Variants in SHOC2 observed in about 807,000 individuals in gnomAD.
The protein encoded by SHOC2 is SHOC2 leucine rich repeat scaffold protein.
SHOC2 carries 4 observed loss-of-function variants against 50.2 expected under a neutral mutation model. That is an observed-to-expected ratio of 0.08 (90% CI 0.04 to 0.18). SHOC2 has a LOEUF of 0.18. SHOC2 is among the 10% of genes least tolerant of loss of function. The pLI, the probability that SHOC2 is intolerant of heterozygous loss-of-function variation, is 1.00. For synonymous variants in SHOC2, 218 were observed against 244.5 expected (o/e 0.89, Z 1.01); for missense variants, 388 against 669.6 (o/e 0.58, Z 4.64).
intron 2 of SHOC2, among the ~76,000 whole-genome samples, chr10:110,976,095 G>A (rs914411627): frequency 6.6e-6 from 1 of 152,012 alleles, no homozygotes; most frequent in African/African-American, 2.4e-5. Context: ...ATTTTTAGTA[G>A]AGACGGGGTT....
intron 3 of SHOC2, 102 bp from the exon 4 acceptor site, chr10:111,000,313 T>G: frequency 8.8e-7 from 1 of 1,131,820 alleles, no homozygotes; most frequent in Admixed American, 1.7e-5. Flanking sequence ...GCTGAAACAG[T>G]ACTTTGAAGT....
At chr10:110,920,438 A>T (rs1164876180) in intron 1 of SHOC2, among the ~76,000 whole-genome samples, 1 of 152,036 alleles carries the variant, frequency 6.6e-6, no homozygotes, top group Non-Finnish European at 1.5e-5. Flanking sequence ...CTCAATATCC[A>T]TTGTTTTTGT....
At chr10:110,935,289 G>C (rs1469013385) in intron 1 of SHOC2, among the ~76,000 whole-genome samples, 1 of 152,226 alleles carries the variant, frequency 6.6e-6, no homozygotes, top group African/African-American at 2.4e-5. Flanking sequence ...TGACATGCTA[G>C]TAGGTTGTCA....
chr10:110,956,029 C>T (rs1251994188), intron 1 of SHOC2, among the ~76,000 whole-genome samples: 2 of 152,142 alleles, frequency 1.3e-5, no homozygotes, highest in African/African-American at 4.8e-5. Flanking sequence ...ACATGGGTCA[C>T]ACAACCCAAA....
At chr10:110,944,204 A>T (rs1847205499) in intron 1 of SHOC2, among the ~76,000 whole-genome samples, 1 of 152,158 alleles carries the variant, frequency 6.6e-6, no homozygotes, top group Non-Finnish European at 1.5e-5. Flanking sequence ...TTCTTAGGAT[A>T]TTCTGTTGTG....
Position 111,011,889 on chromosome 10 carries a change from CTATT to C in SHOC2, c.*75_*78del, listed in dbSNP as rs1421610660. ...TAATGTTTCTTATCTATATCTGTAT[CTATT>C]TATGTAGATATTGGTATATGGCAGA... On this transcript the variant is annotated 3_prime_UTR_variant, in exon 9 of 9. Coordinates refer to ENST00000369452, the MANE Select transcript of SHOC2 (RefSeq NM_007373.4). The C allele has an allele frequency of 1.5e-5, 18 of 1,217,254 alleles. No individual in the cohort carries two copies. The highest frequency in any genetic ancestry group is 2.1e-5 in the Non-Finnish European group (17 of 825,324). 75.4% of individuals were successfully genotyped at this position (1,217,254 alleles called of 1,614,324 possible).
chr10:110,975,976 T>C lies in SHOC2; in HGVS notation c.704-9652T>C, dbSNP rs546646046. Among the ~76,000 whole-genome samples, 10 of 152,216 alleles carry C rather than the reference T, an allele frequency of 6.6e-5. No homozygotes were observed. In the East Asian group the frequency reaches 1.9e-3, roughly 29 times the overall value. On this transcript the variant is annotated intron_variant, in intron 2 of 8. Transcript: ENST00000369452. Reference sequence around the variant, plus strand: ...CCAAGGCTGGAGTGCAATGGCGCAGTCTTGGCTCATTGCAACCTCTGCCTC... The same window carrying C: ...CCAAGGCTGGAGTGCAATGGCGCAGCCTTGGCTCATTGCAACCTCTGCCTC...
chr10:110,983,904 C>A (rs1848031003), intron 2 of SHOC2, among the ~76,000 whole-genome samples: 1 of 152,134 alleles, frequency 6.6e-6, no homozygotes, highest in African/African-American at 2.4e-5. Context: ...TTTGGTTATT[C>A]ATTCGTTAAT....
At position 110,944,870 on chromosome 10, in the gene SHOC2, T is replaced by TTG. The variant is rs554633870; in HGVS notation, c.-234-19243_-234-19242dup. ...ATCTCCTAGTCTTTGCCAGAGGATT[T>TTG]TGTGTGTGTGTGTCTTGGGGCATGC... On this transcript the variant is annotated intron_variant, in intron 1 of 8. Coordinates refer to ENST00000369452, the MANE Select transcript of SHOC2 (RefSeq NM_007373.4). Among the ~76,000 whole-genome samples the TTG allele has an allele frequency of 3.4e-4, 51 of 152,236 alleles. 1 individual carries two copies. Among genetic ancestry groups the TTG allele is most frequent in the Middle Eastern group, 3.4e-3 (1 of 294 alleles).
chr10:110,984,811 A>T (rs1848047249), intron 2 of SHOC2, among the ~76,000 whole-genome samples: 1 of 152,174 alleles, frequency 6.6e-6, no homozygotes, highest in Admixed American at 6.5e-5. Flanking sequence ...TTTATTTGTA[A>T]ATGTCAATTT....
At chr10:110,930,754 A>G (rs1301179861) in intron 1 of SHOC2, among the ~76,000 whole-genome samples, 1 of 29,880 alleles carries the variant, frequency 3.3e-5, no homozygotes, top group African/African-American at 9.2e-5. Context: ...TTTTTTTGGT[A>G]GTGTTTGTGT....
intron 3 of SHOC2, among the ~76,000 whole-genome samples, chr10:110,987,643 T>A (rs1330300818): frequency 6.6e-6 from 1 of 152,094 alleles, no homozygotes; most frequent in African/African-American, 2.4e-5. Context: ...TTCAAGATAA[T>A]AAGGACCAAG....
At chr10:110,961,414 T>TG (rs1208114053) in intron 1 of SHOC2, among the ~76,000 whole-genome samples, 5 of 152,242 alleles carry the variant, frequency 3.3e-5, no homozygotes. Context: ...CAGAACTTAA[T>TG]TTTTGACTGT....
At chr10:110,972,805 C>T (rs1258534657) in intron 2 of SHOC2, among the ~76,000 whole-genome samples, 1 of 152,048 alleles carries the variant, frequency 6.6e-6, no homozygotes, top group African/African-American at 2.4e-5. Context: ...CCACTGTAGT[C>T]CAGCCTGGGT....
In SHOC2 at chr10:110,991,427, C is replaced by T. The variant is rs1390794520; in HGVS notation, c.841+5662C>T. Among the ~76,000 whole-genome samples, 4 of 152,090 alleles carry T rather than the reference C, an allele frequency of 2.6e-5. No individual in the cohort carries two copies. The East Asian group carries it at 7.7e-4, about 29-fold the overall frequency. On this transcript the variant is annotated intron_variant, in intron 3 of 8. Transcript: ENST00000369452. ...TCTATAGGGCCAGATTACAGTATTA[C>T]AAATTGGAAATCAATGAGAACTGAA...
At position 111,010,160 on chromosome 10, in the gene SHOC2, A is replaced by G. The variant is rs144301435; in HGVS notation, c.1540+330A>G. ...AAAATTACACAGGCTTGAATTAGTA[A>G]TGTTTTATGCCAAAAGAACATTTAT... On this transcript the variant is annotated intron_variant, in intron 8 of 8. Transcript: ENST00000369452. Among the ~76,000 whole-genome samples the G allele has an allele frequency of 2.9e-3, 438 of 152,222 alleles. 1 individual carries two copies. Among genetic ancestry groups the G allele is most frequent in the Non-Finnish European group, 4.9e-3 (332 of 68,002 alleles).
At chr10:110,919,774 A>G (rs1475844203) in intron 1 of SHOC2, 117 bp downstream of exon 1, 6 of 393,304 alleles carry the variant, frequency 1.5e-5, no homozygotes, top group African/African-American at 4.2e-5. Context: ...GCGCCCTGAC[A>G]GGCGCGAGCC....
intron 2 of SHOC2, among the ~76,000 whole-genome samples, chr10:110,968,083 A>G (rs1175947330): frequency 6.6e-6 from 1 of 152,220 alleles, no homozygotes; most frequent in Non-Finnish European, 1.5e-5. Context: ...CATTCCTACC[A>G]GCAGTGTTTG....
At chr10:110,926,586 T>G (rs1486593332) in intron 1 of SHOC2, among the ~76,000 whole-genome samples, 1 of 152,196 alleles carries the variant, frequency 6.6e-6, no homozygotes, top group African/African-American at 2.4e-5. Context: ...ATGCAAGACA[T>G]TTTGTAAAAA....
Sources: gnomAD v4.1 joint callset for allele counts (sites outside exome capture counted in the v4.1 genomes callset) on GRCh38, gnomAD v4.1.1 for gene constraint, MANE v1.5 for transcripts, NCBI Gene and HGNC (gene_info 2026-07-23, HGNC 2026-07-21) for gene names.